STAMBPL1: variants seen among roughly 807,000 people sequenced by gnomAD.
STAMBPL1 encodes the protein AMSH-like protease.
A neutral mutation model predicts 52.9 loss-of-function variants in STAMBPL1; 44 were observed. The observed-to-expected ratio is 0.83, with a 90% confidence interval of 0.65 to 1.07. The LOEUF (loss-of-function observed/expected upper bound fraction) is 1.07. STAMBPL1 is among the 50% of genes least tolerant of loss of function. The pLI, the probability that STAMBPL1 is intolerant of heterozygous loss-of-function variation, is 0.00. For synonymous variants in STAMBPL1, 164 were observed against 177.3 expected (o/e 0.92, Z 0.60); for missense variants, 511 against 520.8 (o/e 0.98, Z 0.18).
intron 2 of STAMBPL1, among the ~76,000 whole-genome samples, chr10:88,902,102 G>A (rs1244764362): frequency 6.6e-6 from 1 of 152,134 alleles, no homozygotes; most frequent in South Asian, 2.1e-4. Context: ...CTTGTATGGC[G>A]TTAACTGAGA....
chr10:88,919,543 G>A (rs1355633368), intron 8 of STAMBPL1, among the ~76,000 whole-genome samples: 1 of 152,090 alleles, frequency 6.6e-6, no homozygotes, highest in African/African-American at 2.4e-5. Context: ...TAACCTGCTT[G>A]CTGCCTCCAC....
intron 1 of STAMBPL1, among the ~76,000 whole-genome samples, chr10:88,886,273 C>T (rs546066477): frequency 1.3e-5 from 2 of 152,308 alleles, no homozygotes; most frequent in African/African-American, 2.4e-5. Flanking sequence ...TGAGGGCAAG[C>T]CCCCACTTTT....
chr10:88,922,014 G>T (rs1286511899), intron 9 of STAMBPL1, among the ~76,000 whole-genome samples: 1 of 152,180 alleles, frequency 6.6e-6, no homozygotes, highest in Non-Finnish European at 1.5e-5. Flanking sequence ...ATAATTAGAA[G>T]ATTCGAAATA....
In STAMBPL1 at chr10:88,914,617, G is replaced by A; in HGVS notation, c.862G>A (p.Val288Met). ...KFLQLAESNT[V>M]RGIETCGILC... Reference sequence around the variant, plus strand: ...TCTGCAACTGGCAGAATCTAATACAGTGAGAGGAATAGAAACCTGTGGAAT... The same window carrying A: ...TCTGCAACTGGCAGAATCTAATACAATGAGAGGAATAGAAACCTGTGGAAT... Residue 288 changes from valine to methionine, a missense_variant, in exon 7 of 11, where the codon GTG (valine) becomes ATG (methionine). Coordinates refer to ENST00000371926, the MANE Select transcript of STAMBPL1 (RefSeq NM_020799.4). 1 of 1,500,468 alleles carries A rather than the reference G, an allele frequency of 6.7e-7. No individual in the cohort carries two copies. The highest frequency in any genetic ancestry group is 2.6e-5 in the East Asian group (1 of 38,698). The allele number at this position is 1,500,468 out of a possible 1,614,324, so 92.9% of individuals were successfully genotyped here. A position where few individuals can be genotyped will look rare whatever the true frequency, so the allele number is the denominator to read the frequency against.
intron 10 of STAMBPL1, among the ~76,000 whole-genome samples, chr10:88,922,952 A>G (rs1052237059): frequency 1.6e-4 from 24 of 152,200 alleles, no homozygotes; most frequent in Non-Finnish European, 3.1e-4. Flanking sequence ...TGACGTTAGA[A>G]TTTACTTAAA....
chr10:88,898,132 C>A (rs1844856972), intron 1 of STAMBPL1, among the ~76,000 whole-genome samples: 1 of 151,832 alleles, frequency 6.6e-6, no homozygotes, highest in African/African-American at 2.4e-5. Context: ...GTCTTGGAAC[C>A]CCTTTACACT....
chr10:88,902,631 C>T (rs1290374624), intron 2 of STAMBPL1, among the ~76,000 whole-genome samples: 2 of 152,048 alleles, frequency 1.3e-5, no homozygotes, highest in African/African-American at 4.8e-5. Flanking sequence ...GTGCCAATGG[C>T]ACAATCTCGG....
chr10:88,918,976 T>C (rs1246099925), intron 8 of STAMBPL1, among the ~76,000 whole-genome samples: 1 of 152,224 alleles, frequency 6.6e-6, no homozygotes, highest in Non-Finnish European at 1.5e-5. Flanking sequence ...CAAATTATTG[T>C]GGTTGGATGA....
chr10:88,891,488 T>C (rs1844682495), intron 1 of STAMBPL1, among the ~76,000 whole-genome samples: 1 of 152,186 alleles, frequency 6.6e-6, no homozygotes, highest in South Asian at 2.1e-4. Flanking sequence ...CAATGGTATA[T>C]TTGCATAGTT....
chr10:88,881,858 A>C (rs533499586), intron 1 of STAMBPL1, among the ~76,000 whole-genome samples: 116 of 152,360 alleles, frequency 7.6e-4, no homozygotes, highest in African/African-American at 2.8e-3. Context: ...GTGTAGCTAC[A>C]CTATACATAT....
intron 1 of STAMBPL1, among the ~76,000 whole-genome samples, chr10:88,890,348 C>T (rs893676965): frequency 6.6e-6 from 1 of 152,182 alleles, no homozygotes; most frequent in African/African-American, 2.4e-5. Flanking sequence ...CAGGTAGATT[C>T]TTCACCAGGT....
intron 1 of STAMBPL1, among the ~76,000 whole-genome samples, chr10:88,891,482 G>A (rs577101138): frequency 6.6e-6 from 1 of 152,160 alleles, no homozygotes; most frequent in African/African-American, 2.4e-5. Context: ...AGTGGGCAAT[G>A]GTATATTTGC....
intron 1 of STAMBPL1, among the ~76,000 whole-genome samples, chr10:88,881,483 C>T (rs1199428894): frequency 6.6e-6 from 1 of 151,928 alleles, no homozygotes; most frequent in Non-Finnish European, 1.5e-5. Context: ...CAAAGTAAGC[C>T]CCAGTGAGCA....
intron 1 of STAMBPL1, among the ~76,000 whole-genome samples, chr10:88,891,030 A>G (rs1003058595): frequency 1.1e-4 from 17 of 152,232 alleles, no homozygotes; most frequent in African/African-American, 3.9e-4. Context: ...TAAGTTAAGT[A>G]TATTTCATGG....
At chr10:88,901,931 A>G (rs562312041) in intron 2 of STAMBPL1, among the ~76,000 whole-genome samples, 193 bp downstream of exon 2, 8 of 152,204 alleles carry the variant, frequency 5.3e-5, no homozygotes, top group Non-Finnish European at 1.2e-4. Flanking sequence ...AATAAATTTT[A>G]TTTTCCACAA....
intron 7 of STAMBPL1, among the ~76,000 whole-genome samples, chr10:88,916,090 T>G (rs1046499679): frequency 3.3e-5 from 5 of 152,138 alleles, no homozygotes; most frequent in African/African-American, 1.2e-4. Context: ...TAATTTGTTT[T>G]TTCCTTTCTC....
rs1026711293 is a variant in STAMBPL1, at chr10:88,880,458, G to A, written c.-234G>A. On this transcript the variant is annotated 5_prime_UTR_variant, in exon 1 of 11. Coordinates refer to ENST00000371926, the MANE Select transcript of STAMBPL1 (RefSeq NM_020799.4). ...AGGAGAAGGGGGAGGAGGCACGGCC[G>A]AGGCAAACGAGCGGACGCCTCGTCG... 1 of 152,268 alleles carries A rather than the reference G, an allele frequency of 6.6e-6. No homozygotes were observed. The highest frequency in any genetic ancestry group is 6.5e-5 in the Admixed American group (1 of 15,294). 9.4% of individuals were successfully genotyped at this position (152,268 alleles called of 1,614,324 possible). A position where few individuals can be genotyped will look rare whatever the true frequency, so the allele number is the denominator to read the frequency against.
intron 1 of STAMBPL1, among the ~76,000 whole-genome samples, chr10:88,890,429 G>A (rs900670720): frequency 2.0e-5 from 3 of 152,220 alleles, no homozygotes; most frequent in South Asian, 4.1e-4. Flanking sequence ...AATGCAGGCA[G>A]AGAAAAGGGT....
chr10:88,895,039 G>C (rs1254466646), intron 1 of STAMBPL1, among the ~76,000 whole-genome samples: 1 of 152,134 alleles, frequency 6.6e-6, no homozygotes, highest in South Asian at 2.1e-4. Context: ...AGAAGAGAAC[G>C]GTTTTAGGGT....
Sources: allele counts gnomAD v4.1 joint callset (sites outside exome capture counted in the v4.1 genomes callset), GRCh38; gene constraint gnomAD v4.1.1; transcripts MANE v1.5; gene names NCBI Gene and HGNC (gene_info 2026-07-23, HGNC 2026-07-21).